CLASP2: variants seen among roughly 807,000 people sequenced by gnomAD.
The protein encoded by CLASP2 is cytoplasmic linker associated protein 2.
Under a neutral mutation model 194.4 loss-of-function variants are expected in CLASP2, and 47 were observed. The ratio of observed to expected loss-of-function variants is 0.24; its 90% CI spans 0.19 to 0.31. CLASP2 has a LOEUF of 0.31. CLASP2 is among the 10% of genes least tolerant of loss of function. CLASP2 has a pLI of 1.00. For missense variants in CLASP2, 1,445 were observed against 1,823.6 expected (o/e 0.79, Z 3.78); for synonymous variants, 619 against 633.5 (o/e 0.98, Z 0.34).
intron 20 of CLASP2, 114 bp from the exon 21 acceptor site, chr3:33,592,610 CA>C: frequency 2.4e-6 from 2 of 820,762 alleles, no homozygotes; most frequent in Non-Finnish European, 4.0e-6. Context: ...ATAATGTAAT[CA>C]TCAATTACGG....
At chr3:33,510,366 T>C (rs141067120) in intron 37 of CLASP2, among the ~76,000 whole-genome samples, 192 bp downstream of exon 37, 54 of 152,292 alleles carry the variant, frequency 3.5e-4, no homozygotes, top group African/African-American at 1.3e-3. Context: ...AAATCGTTAA[T>C]TTTATGTTAT....
intron 34 of CLASP2, among the ~76,000 whole-genome samples, chr3:33,525,658 T>C (rs577050651): frequency 6.6e-6 from 1 of 152,280 alleles, no homozygotes; most frequent in African/African-American, 2.4e-5. Flanking sequence ...CAGAACTATG[T>C]GGAGTCTTGG....
At position 33,497,341 on chromosome 3, in the gene CLASP2, G is replaced by A. The variant is rs1265749598; in HGVS notation, c.*1290C>T. ...ATTAGGATTAAAAAAAAGTAAAGAT[G>A]AGAAATCATTAGTATCCTGGTTCCA... On this transcript the variant is annotated 3_prime_UTR_variant, in exon 39 of 39. Transcript: ENST00000682230. The A allele has an allele frequency of 6.6e-6, 1 of 152,520 alleles. No homozygotes were observed. 9.4% of individuals were successfully genotyped at this position (152,520 alleles called of 1,614,324 possible). A position where few individuals can be genotyped will look rare whatever the true frequency, so the allele number is the denominator to read the frequency against.
intron 10 of CLASP2, among the ~76,000 whole-genome samples, chr3:33,623,690 G>A (rs1577355312): frequency 6.6e-6 from 1 of 152,098 alleles, no homozygotes; most frequent in Non-Finnish European, 1.5e-5. Context: ...GGACATTTAG[G>A]TATATTCCAT....
intron 36 of CLASP2, among the ~76,000 whole-genome samples, chr3:33,515,396 C>T (rs2051018201): frequency 6.6e-6 from 1 of 152,180 alleles, no homozygotes; most frequent in Non-Finnish European, 1.5e-5. Flanking sequence ...GGTGAATAAA[C>T]TTGCAACAGA....
At chr3:33,539,373 C>A (rs1451858167) in intron 32 of CLASP2, among the ~76,000 whole-genome samples, 1 of 152,040 alleles carries the variant, frequency 6.6e-6, no homozygotes, top group East Asian at 1.9e-4. Flanking sequence ...TCACTCTTCT[C>A]CCCCAGGCTG....
intron 6 of CLASP2, among the ~76,000 whole-genome samples, chr3:33,668,794 G>A (rs1408741045): frequency 6.6e-6 from 1 of 152,130 alleles, no homozygotes; most frequent in Non-Finnish European, 1.5e-5. Context: ...ATGGAAGAAA[G>A]AACAATGGAC....
chr3:33,623,828 T>A lies in CLASP2; in HGVS notation c.1036-1548A>T, dbSNP rs929920264. Among the ~76,000 whole-genome samples the A allele has an allele frequency of 1.4e-4, 21 of 152,180 alleles. No individual in the cohort carries two copies. In the South Asian group the frequency reaches 3.1e-3, roughly 23 times the overall value. The stretch of plus-strand genomic sequence containing the variant: ...TGCTGGATCATATTGTGGTTTTATT[T>A]TTATTTTTATTATTTTTTAAGAAAC... On this transcript the variant is annotated intron_variant, in intron 10 of 38. Coordinates refer to ENST00000682230, the MANE Select transcript of CLASP2 (RefSeq NM_001365631.1).
intron 37 of CLASP2, chr3:33,502,516 C>T (rs1291759915): frequency 2.0e-5 from 3 of 152,168 alleles, no homozygotes; most frequent in Admixed American, 6.5e-5. Flanking sequence ...CTGTGTAATA[C>T]GTAGCTAGAA....
intron 8 of CLASP2, among the ~76,000 whole-genome samples, chr3:33,636,858 C>T (rs2080240206): frequency 6.6e-6 from 1 of 152,166 alleles, no homozygotes; most frequent in African/African-American, 2.4e-5. Flanking sequence ...ACCTTGGCCT[C>T]CCAAAGTGCT....
intron 7 of CLASP2, among the ~76,000 whole-genome samples, chr3:33,654,286 G>T (rs1308377595): frequency 2.0e-5 from 3 of 151,972 alleles, no homozygotes; most frequent in African/African-American, 7.3e-5. Context: ...ACACAAATGT[G>T]CACATGAGTG....
At chr3:33,684,968 C>T (rs2090424528) in intron 5 of CLASP2, among the ~76,000 whole-genome samples, 1 of 150,250 alleles carries the variant, frequency 6.7e-6, no homozygotes, top group Non-Finnish European at 1.5e-5. Flanking sequence ...TGCCACTGCC[C>T]TCCAGGCTGG....
At chr3:33,637,108 G>A (rs2080296976) in intron 8 of CLASP2, among the ~76,000 whole-genome samples, 1 of 152,130 alleles carries the variant, frequency 6.6e-6, no homozygotes, top group African/African-American at 2.4e-5. Flanking sequence ...AAGAGCTACA[G>A]AAATAAATAA....
At chr3:33,685,707 A>ACAAAAGAAC (rs1274137884) in intron 5 of CLASP2, among the ~76,000 whole-genome samples, 3 of 152,158 alleles carry the variant, frequency 2.0e-5, no homozygotes. Context: ...CAAGCCAGAC[A>ACAAAAGAAC]CAAAAGAACA....
At chr3:33,548,411 C>A (rs1445603211) in intron 30 of CLASP2, among the ~76,000 whole-genome samples, 1 of 152,118 alleles carries the variant, frequency 6.6e-6, no homozygotes, top group African/African-American at 2.4e-5. Context: ...CATTCTCCTG[C>A]CTCAGCCTCC....
intron 1 of CLASP2, among the ~76,000 whole-genome samples, chr3:33,697,908 C>T (rs1482096287): frequency 6.6e-6 from 1 of 152,154 alleles, no homozygotes; most frequent in Non-Finnish European, 1.5e-5. Context: ...GTCAGTTATA[C>T]TTAACAAAAC....
intron 8 of CLASP2, among the ~76,000 whole-genome samples, chr3:33,641,519 C>T (rs1395228625): frequency 6.6e-6 from 1 of 151,544 alleles, no homozygotes; most frequent in Non-Finnish European, 1.5e-5. Flanking sequence ...AAAGGCTACA[C>T]ATTTATTAAT....
chr3:33,543,098 G>A (rs939503353), intron 32 of CLASP2, among the ~76,000 whole-genome samples: 1 of 152,080 alleles, frequency 6.6e-6, no homozygotes, highest in Non-Finnish European at 1.5e-5. Context: ...TACAGCCAAG[G>A]GTGGTACCTC....
At chr3:33,590,667 G>C (rs745808052) in intron 21 of CLASP2, among the ~76,000 whole-genome samples, 10 of 151,982 alleles carry the variant, frequency 6.6e-5, no homozygotes, top group Admixed American at 5.2e-4. Flanking sequence ...GACTCTTCTT[G>C]GTGCTCTAAT....
Sources: allele counts gnomAD v4.1 joint callset (sites outside exome capture counted in the v4.1 genomes callset), GRCh38; gene constraint gnomAD v4.1.1; transcripts MANE v1.5; gene names NCBI Gene and HGNC (gene_info 2026-07-23, HGNC 2026-07-21).